DPP6: variants seen among roughly 807,000 people sequenced by gnomAD.
DPP6 encodes the protein dipeptidyl peptidase like 6.
DPP6 carries 69 observed loss-of-function variants against 122.6 expected under a neutral mutation model. The observed-to-expected ratio is 0.56, with a 90% confidence interval of 0.46 to 0.69. The LOEUF (loss-of-function observed/expected upper bound fraction) is 0.69, where lower values mean the gene tolerates loss of function less well. DPP6 is among the 30% of genes least tolerant of loss of function. DPP6 has a pLI of 0.00. For synonymous variants in DPP6, 418 were observed against 433.1 expected (o/e 0.97, Z 0.43); for missense variants, 928 against 1,116.9 (o/e 0.83, Z 2.41).
chr7:153,807,721 T>G, the DPP6 span, among the ~76,000 whole-genome samples: 257 of 151,970 alleles, frequency 1.7e-3, 6 homozygotes, highest in African/African-American at 5.6e-3. Flanking sequence ...CCAGCTCAGC[T>G]GCAGGAGGAG....
chr7:153,806,232 C>T, the DPP6 span, among the ~76,000 whole-genome samples: 1 of 151,848 alleles, frequency 6.6e-6, no homozygotes, highest in Admixed American at 6.6e-5. Flanking sequence ...CACTGACCAC[C>T]TTATCTCCCC....
At chr7:154,058,099 T>TGC (rs1801033781) in intron 1 of DPP6, 1 of 127,198 alleles carries the variant, frequency 7.9e-6, no homozygotes, top group African/African-American at 2.7e-5. Context: ...GCATCCCCCA[T>TGC]GAGGCGGGGA....
chr7:154,427,548 A>C (rs922736094), intron 1 of DPP6, among the ~76,000 whole-genome samples: 8 of 152,380 alleles, frequency 5.3e-5, no homozygotes, highest in Admixed American at 2.6e-4. Context: ...GAATCTTAAC[A>C]GAAGTTATCA....
chr7:154,655,707 G>A (rs376201938), intron 6 of DPP6, among the ~76,000 whole-genome samples: 4 of 152,330 alleles, frequency 2.6e-5, no homozygotes, highest in South Asian at 2.1e-4. Flanking sequence ...GTGTGCTGCC[G>A]TGGCCTAAAT....
intron 1 of DPP6, among the ~76,000 whole-genome samples, chr7:154,339,828 A>G (rs1809766740): frequency 6.6e-6 from 1 of 152,142 alleles, no homozygotes; most frequent in Non-Finnish European, 1.5e-5. Flanking sequence ...TAATCCCAGC[A>G]CTTTGGGAGC....
At chr7:154,647,780 G>T (rs893840948) in intron 6 of DPP6, among the ~76,000 whole-genome samples, 1 of 152,182 alleles carries the variant, frequency 6.6e-6, no homozygotes, top group Non-Finnish European at 1.5e-5. Flanking sequence ...TCTTGTGCTG[G>T]TGAATCAGCA....
intron 1 of DPP6, among the ~76,000 whole-genome samples, chr7:154,364,794 A>G (rs1254609560): frequency 6.6e-6 from 1 of 152,140 alleles, no homozygotes; most frequent in Non-Finnish European, 1.5e-5. Context: ...TAACTTTTGC[A>G]TTGGATGATG....
chr7:154,455,133 G>A (rs888795214), intron 2 of DPP6, among the ~76,000 whole-genome samples: 6 of 152,162 alleles, frequency 3.9e-5, no homozygotes, highest in East Asian at 3.9e-4. Context: ...TCGCCCACAC[G>A]CACAGGAAGG....
intron 8 of DPP6, among the ~76,000 whole-genome samples, chr7:154,756,725 C>A (rs990655032): frequency 6.6e-6 from 1 of 152,178 alleles, no homozygotes; most frequent in African/African-American, 2.4e-5. Flanking sequence ...TGGTCCTTGT[C>A]CATATTCTCC....
Position 154,603,656 on chromosome 7 carries a change from CAAAAAAAA to C in DPP6, c.628-34145_628-34138del, listed in dbSNP as rs779501891. On this transcript the variant is annotated intron_variant, in intron 5 of 25. Coordinates refer to ENST00000377770, the MANE Select transcript of DPP6 (RefSeq NM_130797.4). ...GGGTGACGAGAGTGAAACTCTGTCT[CAAAAAAAA>C]AAAAAAAAAAAAAAAAAAATTATTT... Among the ~76,000 whole-genome samples the C allele has an allele frequency of 2.4e-4, 6 of 24,974 alleles. 1 individual carries two copies. Among genetic ancestry groups the C allele is most frequent in the African/African-American group, 5.5e-4 (5 of 9,020 alleles). The allele number at this position is 24,974 out of a possible 152,430, so 16.4% of individuals were successfully genotyped here. A position where few individuals can be genotyped will look rare whatever the true frequency, so the allele number is the denominator to read the frequency against.
chr7:154,488,124 A>G (rs1823952519), intron 3 of DPP6, among the ~76,000 whole-genome samples: 1 of 148,166 alleles, frequency 6.7e-6, no homozygotes, highest in African/African-American at 2.7e-5. Flanking sequence ...CTGGGAACTG[A>G]ATTTTTGGTT....
At chr7:154,811,099 T>C (rs889716055) in intron 16 of DPP6, among the ~76,000 whole-genome samples, 14 of 152,246 alleles carry the variant, frequency 9.2e-5, no homozygotes, top group African/African-American at 3.4e-4. Context: ...CTCTACAAAA[T>C]TGCTCTTTAA....
chr7:154,078,078 T>G (rs1398973654), intron 1 of DPP6, among the ~76,000 whole-genome samples: 1 of 152,168 alleles, frequency 6.6e-6, no homozygotes, highest in Non-Finnish European at 1.5e-5. Context: ...ACTTCCTTCC[T>G]TCATGATCTC....
At chr7:154,313,685 G>GTGTGTGTGTGTGTATGCATATATA in intron 1 of DPP6, among the ~76,000 whole-genome samples, 1 of 20,468 alleles carries the variant, frequency 4.9e-5, no homozygotes, top group Non-Finnish European at 1.1e-4. Flanking sequence ...TTAAGATATG[G>GTGTGTGTGTGTGTATGCATATATA]TATATATATA....
chr7:153,845,837 T>A, the DPP6 span, among the ~76,000 whole-genome samples: 1 of 152,296 alleles, frequency 6.6e-6, no homozygotes, highest in East Asian at 1.9e-4. Context: ...CTATTTTAAC[T>A]CTAATCATAT....
chr7:154,506,215 T>A (rs2129705889), intron 3 of DPP6, among the ~76,000 whole-genome samples: 1 of 143,668 alleles, frequency 7.0e-6, no homozygotes, highest in African/African-American at 2.5e-5. Flanking sequence ...TTGTAGGATT[T>A]TACACACAGT....
At chr7:154,303,805 A>G (rs1806074447) in intron 1 of DPP6, among the ~76,000 whole-genome samples, 1 of 152,198 alleles carries the variant, frequency 6.6e-6, no homozygotes, top group African/African-American at 2.4e-5. Context: ...AATTAAGTTC[A>G]GGCCATGGTA....
At chr7:153,753,277 T>C in the DPP6 span, among the ~76,000 whole-genome samples, 3 of 152,022 alleles carry the variant, frequency 2.0e-5, no homozygotes, top group African/African-American at 7.2e-5. Flanking sequence ...TATTTGGGGA[T>C]TTTGTACCAT....
chr7:154,298,294 G>T (rs1210609468), intron 1 of DPP6, among the ~76,000 whole-genome samples: 1 of 99,324 alleles, frequency 1.0e-5, no homozygotes, highest in Non-Finnish European at 2.3e-5. Context: ...ACACACTATT[G>T]GTTGTGCATC....
Sources: gnomAD v4.1 joint callset for allele counts (sites outside exome capture counted in the v4.1 genomes callset) on GRCh38, gnomAD v4.1.1 for gene constraint, MANE v1.5 for transcripts, NCBI Gene and HGNC (gene_info 2026-07-23, HGNC 2026-07-21) for gene names.